The following ABTB3 variants were observed in gnomAD, a reference collection of about 807,000 sequenced individuals.
The protein encoded by ABTB3 is ankyrin repeat and BTB domain containing 3.
At chr12:107,505,583 GT>G in the ABTB3 span, among the ~76,000 whole-genome samples, 209 of 143,572 alleles carry the variant, frequency 1.5e-3, no homozygotes, top group Admixed American at 1.7e-3. Context: ...CAGATCAAAG[GT>G]TTTTTTTTTT....
chr12:107,396,191 C>G, the ABTB3 span, among the ~76,000 whole-genome samples: 1 of 152,198 alleles, frequency 6.6e-6, no homozygotes, highest in African/African-American at 2.4e-5. Flanking sequence ...ACATTGTCCT[C>G]TGCGTGTTAA....
At chr12:107,488,154 C>G in the ABTB3 span, among the ~76,000 whole-genome samples, 1 of 152,018 alleles carries the variant, frequency 6.6e-6, no homozygotes, top group Non-Finnish European at 1.5e-5. Context: ...AGTCAAGAGT[C>G]TGGGTATCAG....
At chr12:107,542,631 C>CA in the ABTB3 span, among the ~76,000 whole-genome samples, 89 of 152,198 alleles carry the variant, frequency 5.8e-4, 1 homozygote, top group Admixed American at 3.1e-3. Flanking sequence ...CCTATGCAGT[C>CA]AAAAATCTCT....
the ABTB3 span, among the ~76,000 whole-genome samples, chr12:107,346,850 G>T: frequency 6.6e-6 from 1 of 152,276 alleles, no homozygotes; most frequent in African/African-American, 2.4e-5. Flanking sequence ...ACTGCTTGCG[G>T]GTAAATAGCA....
chr12:107,508,967 C>T, the ABTB3 span, among the ~76,000 whole-genome samples: 1 of 152,138 alleles, frequency 6.6e-6, no homozygotes, highest in Non-Finnish European at 1.5e-5. Flanking sequence ...CATAGCTACC[C>T]AAGACTCAGC....
At chr12:107,374,054 G>A in the ABTB3 span, among the ~76,000 whole-genome samples, 1 of 152,156 alleles carries the variant, frequency 6.6e-6, no homozygotes, top group African/African-American at 2.4e-5. Flanking sequence ...CTCCATGGTG[G>A]GAGGGTTCTG....
At chr12:107,444,923 A>G in the ABTB3 span, among the ~76,000 whole-genome samples, 1,491 of 152,194 alleles carry the variant, frequency 9.8e-3, 27 homozygotes, top group African/African-American at 0.034. Context: ...TGCTCCAGAG[A>G]GAAGGAAGAC....
chr12:107,610,361 G>T, the ABTB3 span: 1 of 1,613,754 alleles, frequency 6.2e-7, no homozygotes, highest in Non-Finnish European at 8.5e-7. Context: ...AACAGGTACA[G>T]GGTCCGAGGG....
chr12:107,653,119 C>T, the ABTB3 span, among the ~76,000 whole-genome samples: 3 of 152,086 alleles, frequency 2.0e-5, no homozygotes, highest in African/African-American at 4.8e-5. Context: ...CAAAATTTTC[C>T]GTTTGGTATA....
At chr12:107,605,606 G>A in the ABTB3 span, among the ~76,000 whole-genome samples, 6 of 152,236 alleles carry the variant, frequency 3.9e-5, no homozygotes, top group African/African-American at 1.2e-4. Flanking sequence ...CCCTCCTGGA[G>A]AGCTGGACTT....
chr12:107,515,234 T>C, the ABTB3 span, among the ~76,000 whole-genome samples: 1 of 152,200 alleles, frequency 6.6e-6, no homozygotes, highest in African/African-American at 2.4e-5. Context: ...GCTCAATATG[T>C]GAAGCAACAT....
chr12:107,432,932 A>T, the ABTB3 span, among the ~76,000 whole-genome samples: 1 of 152,184 alleles, frequency 6.6e-6, no homozygotes, highest in African/African-American at 2.4e-5. Flanking sequence ...CCACTCATTA[A>T]CAAGCACACA....
chr12:107,571,238 C>T, the ABTB3 span, among the ~76,000 whole-genome samples: 1 of 152,212 alleles, frequency 6.6e-6, no homozygotes, highest in Admixed American at 6.5e-5. Context: ...TGTGGCCTTA[C>T]AATTCCCCTG....
At chr12:107,413,189 G>A in the ABTB3 span, among the ~76,000 whole-genome samples, 3 of 152,280 alleles carry the variant, frequency 2.0e-5, no homozygotes. Flanking sequence ...CAGGAGAATG[G>A]CGTGAACCCG....
the ABTB3 span, among the ~76,000 whole-genome samples, chr12:107,436,678 T>C: frequency 6.6e-6 from 1 of 152,316 alleles, no homozygotes; most frequent in South Asian, 2.1e-4. Flanking sequence ...GGGCACAGTA[T>C]CCAGAGGGTG....
At chr12:107,648,380 CCACACACACA>C in the ABTB3 span, among the ~76,000 whole-genome samples, 3 of 140,100 alleles carry the variant, frequency 2.1e-5, no homozygotes, top group African/African-American at 5.4e-5. Flanking sequence ...GACCCCATCT[CCACACACACA>C]CACACACACA....
chr12:107,611,959 T>A, the ABTB3 span, among the ~76,000 whole-genome samples: 1 of 152,220 alleles, frequency 6.6e-6, no homozygotes, highest in Non-Finnish European at 1.5e-5. Context: ...TCCCCAAGGC[T>A]GTAATGTTTT....
the ABTB3 span, among the ~76,000 whole-genome samples, chr12:107,525,394 A>G: frequency 6.6e-6 from 1 of 151,014 alleles, no homozygotes; most frequent in African/African-American, 2.4e-5. Context: ...ATATTACTGC[A>G]TTTTTTACTG....
the ABTB3 span, among the ~76,000 whole-genome samples, chr12:107,632,991 G>A: frequency 4.6e-5 from 7 of 152,136 alleles, no homozygotes; most frequent in East Asian, 7.7e-4. Flanking sequence ...CCCCCCTCCC[G>A]TCTGAAGTCC....
Sources: gnomAD v4.1 joint callset for allele counts (sites outside exome capture counted in the v4.1 genomes callset) on GRCh38, gnomAD v4.1.1 for gene constraint, MANE v1.5 for transcripts, NCBI Gene and HGNC (gene_info 2026-07-23, HGNC 2026-07-21) for gene names.